C1orf105: variants seen among roughly 807,000 people sequenced by gnomAD.
C1orf105 encodes chromosome 1 open reading frame 105.
C1orf105 carries 17 observed loss-of-function variants against 20.8 expected under a neutral mutation model. That is an observed-to-expected ratio of 0.82 (90% CI 0.56 to 1.23). C1orf105 has a LOEUF of 1.23. Among genes scored for constraint, C1orf105 ranks in the 50% most tolerant of loss-of-function variants. The pLI, the probability that C1orf105 is intolerant of heterozygous loss-of-function variation, is 0.00. For synonymous variants in C1orf105, 72 were observed against 72.1 expected (o/e 1.00, Z 0.01); for missense variants, 219 against 213.5 (o/e 1.03, Z -0.16).
chr1:172,428,664 A>G, intron 1 of C1orf105: 1 of 552,176 alleles, frequency 1.8e-6, no homozygotes. Flanking sequence ...TGACCTCTTT[A>G]TTTAATGCTA....
chr1:172,461,049 T>C (rs1353863931), intron 4 of C1orf105, among the ~76,000 whole-genome samples: 2 of 152,340 alleles, frequency 1.3e-5, no homozygotes, highest in South Asian at 2.1e-4. Flanking sequence ...AGATAAATTT[T>C]TGAATAAAGC....
At chr1:172,428,812 G>A (rs889950600) in intron 1 of C1orf105, 1 of 698,934 alleles carries the variant, frequency 1.4e-6, no homozygotes, top group Non-Finnish European at 2.6e-6. Context: ...CAAGCACACA[G>A]AACAGTATTT....
At chr1:172,434,320 G>A (rs112941979) in intron 1 of C1orf105, among the ~76,000 whole-genome samples, 35 of 152,212 alleles carry the variant, frequency 2.3e-4, no homozygotes, top group African/African-American at 5.8e-4. Flanking sequence ...GCAGCACATC[G>A]CACTTATTCT....
At chr1:172,430,166 A>C in intron 1 of C1orf105, 1 of 497,866 alleles carries the variant, frequency 2.0e-6, no homozygotes, top group Non-Finnish European at 3.6e-6. Context: ...ACTCTAAATC[A>C]TTCATATTCT....
At chr1:172,428,479 A>C (rs1000626753) in intron 1 of C1orf105, among the ~76,000 whole-genome samples, 5 of 151,996 alleles carry the variant, frequency 3.3e-5, no homozygotes, top group African/African-American at 1.2e-4. Flanking sequence ...CACTTCAGCC[A>C]CTCCTTGCTA....
intron 4 of C1orf105, among the ~76,000 whole-genome samples, chr1:172,461,090 T>C (rs1304483201): frequency 6.6e-6 from 1 of 152,212 alleles, no homozygotes; most frequent in Non-Finnish European, 1.5e-5. Flanking sequence ...TCAGCCACTT[T>C]TATGTTTAGA....
chr1:172,441,352 TACACACACACACACACACACACAC>T (rs55669322), intron 1 of C1orf105: 3 of 156,814 alleles, frequency 1.9e-5, no homozygotes, highest in Non-Finnish European at 4.1e-5. Flanking sequence ...GAAGTGACTT[TACACACACACACACACACACACAC>T]ACACACACAC....
Position 172,445,082 on chromosome 1 carries a change from C to T in C1orf105, c.31C>T (p.Pro11Ser). Residue 11 changes from proline to serine, a missense_variant, in exon 2 of 7, where the codon CCA becomes TCA. Pro to Ser is a moderately conservative substitution (Grantham distance 74). Transcript: ENST00000367727. The part of the protein sequence containing the change: MEKRELKASV[P>S]KFDKIPWLSE... ...CTCTATTTCCCTCTAGGCTTCTGTTCCAAAATTTGACAAGATTCCTTGGCT... is the reference window on the plus strand; with the variant it reads ...CTCTATTTCCCTCTAGGCTTCTGTTTCAAAATTTGACAAGATTCCTTGGCT... 1.2e-6 allele frequency: 2 copies of T among 1,612,536 alleles called. No individual in the cohort carries two copies. Among genetic ancestry groups the T allele is most frequent in the Non-Finnish European group, 1.7e-6 (2 of 1,179,178 alleles).
chr1:172,451,935 C>T (rs946494334), intron 3 of C1orf105, among the ~76,000 whole-genome samples: 9 of 132,296 alleles, frequency 6.8e-5, no homozygotes, highest in South Asian at 5.1e-4. Flanking sequence ...TGCAATGGCA[C>T]GATCTTGGCT....
intron 2 of C1orf105, among the ~76,000 whole-genome samples, chr1:172,445,598 C>G (rs752168359): frequency 1.2e-4 from 19 of 152,186 alleles, no homozygotes; most frequent in Non-Finnish European, 2.6e-4. Flanking sequence ...TAGTCCTACT[C>G]CTTCCAAACA....
At chr1:172,433,977 T>G (rs1216534687) in intron 1 of C1orf105, among the ~76,000 whole-genome samples, 1 of 152,110 alleles carries the variant, frequency 6.6e-6, no homozygotes, top group African/African-American at 2.4e-5. Flanking sequence ...AAACAGACTT[T>G]AAACCAACAA....
At chr1:172,423,278 G>T (rs2071637387) in intron 1 of C1orf105, among the ~76,000 whole-genome samples, 1 of 152,200 alleles carries the variant, frequency 6.6e-6, no homozygotes, top group South Asian at 2.1e-4. Context: ...AGTCAACTCA[G>T]CACAGGAAGA....
intron 3 of C1orf105, chr1:172,453,239 T>C: frequency 6.5e-7 from 1 of 1,533,418 alleles, no homozygotes; most frequent in Non-Finnish European, 8.8e-7. Flanking sequence ...AAATGTAAAG[T>C]GTAAAGGGAC....
rs1252990445 is a variant in C1orf105, at chr1:172,454,357, T to C, written c.199-2058T>C. Among the ~76,000 whole-genome samples the C allele has an allele frequency of 3.3e-5, 5 of 151,478 alleles. No individual in the cohort carries two copies. In the East Asian group the frequency reaches 9.7e-4, roughly 29 times the overall value. ...GTATGATATCTAGTGTGTCCTACCT[T>C]AATTGCAGTTTCAGAAATGTACCTC... On this transcript the variant is annotated intron_variant, in intron 3 of 6. Coordinates refer to ENST00000367727, the MANE Select transcript of C1orf105 (RefSeq NM_139240.4).
At chr1:172,465,477 C>G (rs1649981490) in intron 6 of C1orf105, 114 bp downstream of exon 6, 1 of 821,354 alleles carries the variant, frequency 1.2e-6, no homozygotes, top group East Asian at 2.6e-5. Context: ...TCCTCACTTT[C>G]TATCCCTTTC....
At chr1:172,453,894 A>G (rs1243752420) in intron 3 of C1orf105, among the ~76,000 whole-genome samples, 1 of 152,234 alleles carries the variant, frequency 6.6e-6, no homozygotes, top group African/African-American at 2.4e-5. Context: ...TATCAAGGCC[A>G]GGTGGGACAA....
chr1:172,430,206 TA>T (rs763418771), intron 1 of C1orf105: 19 of 617,502 alleles, frequency 3.1e-5, no homozygotes, highest in South Asian at 2.1e-4. Context: ...GGTTTAAATA[TA>T]AGAGACTGAC....
At chr1:172,442,951 A>G in intron 1 of C1orf105, 1 of 238,212 alleles carries the variant, frequency 4.2e-6, no homozygotes, top group Non-Finnish European at 8.9e-6. Flanking sequence ...TAGTCACCTT[A>G]TGGGACATTA....
intron 1 of C1orf105, chr1:172,428,901 A>C: frequency 1.5e-6 from 1 of 661,702 alleles, no homozygotes; most frequent in Non-Finnish European, 2.7e-6. Flanking sequence ...TGAATGGTAG[A>C]AGGTGAGTAG....
Sources: allele counts gnomAD v4.1 joint callset (sites outside exome capture counted in the v4.1 genomes callset), GRCh38; gene constraint gnomAD v4.1.1; transcripts MANE v1.5; gene names NCBI Gene and HGNC (gene_info 2026-07-23, HGNC 2026-07-21).